The following CAPN14 variants were observed in gnomAD, a reference collection of about 807,000 sequenced individuals.
The protein encoded by CAPN14 is calpain-14.
In CAPN14, 94 loss-of-function variants were observed where a neutral mutation model predicts 101.3. That is an observed-to-expected ratio of 0.93 (90% confidence interval 0.79 to 1.10). The LOEUF (loss-of-function observed/expected upper bound fraction) is 1.10. CAPN14 is among the 50% of genes least tolerant of loss of function. The pLI is 0.00. For synonymous variants in CAPN14, 338 were observed against 317.9 expected (o/e 1.06, Z -0.67); for missense variants, 837 against 828.4 (o/e 1.01, Z -0.13).
Position 31,174,529 on chromosome 2 carries a change from G to T in CAPN14, c.*152C>A, listed in dbSNP as rs1680198949. On this transcript the variant is annotated 3_prime_UTR_variant, in exon 22 of 22. Coordinates refer to ENST00000403897, the MANE Select transcript of CAPN14 (RefSeq NM_001145122.2). ...ATGCTGGCCATGCACGGGGAGGGCT[G>T]CAGAAGAGAAACCTTCCCAGCTGAG... 6.9e-6 allele frequency: 5 copies of T among 726,018 alleles called. No individual in the cohort carries two copies. Among genetic ancestry groups the T allele is most frequent in the Non-Finnish European group, 9.3e-6 (4 of 428,640 alleles). 45.0% of individuals were successfully genotyped at this position (726,018 alleles called of 1,614,324 possible).
At chr2:31,181,530 T>TTAC (rs1680630408) in intron 16 of CAPN14, among the ~76,000 whole-genome samples, 1 of 70,668 alleles carries the variant, frequency 1.4e-5, no homozygotes, top group African/African-American at 1.2e-4. Context: ...TTTTTTTATT[T>TTAC]TATTATTATA....
At chr2:31,227,248 C>A (rs1683050298) in intron 1 of CAPN14, among the ~76,000 whole-genome samples, 3 of 152,178 alleles carry the variant, frequency 2.0e-5, no homozygotes, top group Admixed American at 2.0e-4. Context: ...TAGCTCTGCT[C>A]CTGCTGCACC....
chr2:31,231,969 T>TA (rs908246652), intron 1 of CAPN14, among the ~76,000 whole-genome samples: 3 of 152,210 alleles, frequency 2.0e-5, no homozygotes, highest in Non-Finnish European at 4.4e-5. Context: ...GGTGAAATAT[T>TA]AATCTGAGTG....
intron 16 of CAPN14, among the ~76,000 whole-genome samples, chr2:31,183,193 G>A (rs1417114837): frequency 1.3e-5 from 2 of 151,834 alleles, no homozygotes; most frequent in African/African-American, 4.8e-5. Flanking sequence ...ATTCAAGATG[G>A]ATTAAAGACT....
At position 31,201,912 on chromosome 2, in the gene CAPN14, G is replaced by A. The variant is rs199800377; in HGVS notation, c.501C>T (p.Ser167=). The part of the protein sequence containing the change: ...NEAGQLVFVS[S]TYKNLFWGAL... Reference sequence around the variant, plus strand: ...CTCCCCAGAACAAGTTCTTATAGGTGGAGGAGACAAAGACCAGCTGGCCAG... The same window carrying A: ...CTCCCCAGAACAAGTTCTTATAGGTAGAGGAGACAAAGACCAGCTGGCCAG... The change falls in exon 5 of 22, where the codon TCC becomes TCT. Residue 167 remains serine (S), a synonymous_variant. Coordinates refer to ENST00000403897, the MANE Select transcript of CAPN14 (RefSeq NM_001145122.2). 62 of 1,551,622 alleles carry A rather than the reference G, an allele frequency of 4.0e-5. No individual in the cohort carries two copies. Among genetic ancestry groups the A allele is most frequent in the Non-Finnish European group, 4.0e-5 (46 of 1,147,002 alleles).
At chr2:31,213,204 C>A (rs570940429) in intron 1 of CAPN14, among the ~76,000 whole-genome samples, 1 of 152,318 alleles carries the variant, frequency 6.6e-6, no homozygotes, top group East Asian at 1.9e-4. Flanking sequence ...CGTGTGCTGA[C>A]TCCTTTATCC....
rs572110550 is a variant in CAPN14, at chr2:31,186,205, G to A, written c.1645+223C>T. ...AATCTTCATTTTCACTGCCATGTAT[G>A]TCTATACCCAAAGTAAGCAAAATAA... On this transcript the variant is annotated intron_variant, in intron 16 of 21. Coordinates refer to ENST00000403897, the MANE Select transcript of CAPN14 (RefSeq NM_001145122.2). 3.9e-5 allele frequency among the ~76,000 whole-genome samples: 6 copies of A among 152,264 alleles called. No homozygotes were observed. The South Asian group carries it at 1.2e-3, about 32-fold the overall frequency.
intron 4 of CAPN14, 62 bp downstream of exon 4, chr2:31,202,072 G>C: frequency 6.5e-7 from 1 of 1,549,862 alleles, no homozygotes; most frequent in Non-Finnish European, 8.7e-7. Flanking sequence ...TGAAGACATG[G>C]TCCTCCAGGA....
rs35488335 is a variant in CAPN14 at position 31,223,542 on chromosome 2, C to CTTTT, written c.-53+2982_-53+2985dup. ...TTCTGTTTCTTTTTCTTTTTCTTTT[C>CTTTT]TTTTTTTTTTTTTTTTGAGATGGAG... On this transcript the variant is annotated intron_variant and NMD_transcript_variant, in intron 2 of 21. Coordinates refer to the CAPN14 transcript ENST00000398824. Among the ~76,000 whole-genome samples, 28 of 132,074 alleles carry CTTTT rather than the reference C, an allele frequency of 2.1e-4. 1 individual carries two copies. Among genetic ancestry groups the CTTTT allele is most frequent in the African/African-American group, 7.6e-4 (26 of 34,000 alleles). 86.6% of individuals were successfully genotyped at this position (132,074 alleles called of 152,430 possible).
At chr2:31,207,100 TG>T (rs1277243176) in intron 1 of CAPN14, among the ~76,000 whole-genome samples, 1 of 152,178 alleles carries the variant, frequency 6.6e-6, no homozygotes, top group Non-Finnish European at 1.5e-5. Flanking sequence ...CCCCGCACAG[TG>T]TTTGGGACAG....
intron 2 of CAPN14, among the ~76,000 whole-genome samples, chr2:31,204,190 A>G (rs575735065): frequency 3.8e-4 from 58 of 152,210 alleles, no homozygotes; most frequent in Non-Finnish European, 7.6e-4. Flanking sequence ...GGAGGGCTAC[A>G]TCTTAGACCA....
In CAPN14 at chr2:31,194,500, G is replaced by A; in HGVS notation, c.876-17C>T. 1 of 1,534,728 alleles carries A rather than the reference G, an allele frequency of 6.5e-7. No homozygotes were observed. Among genetic ancestry groups the A allele is most frequent in the Non-Finnish European group, 8.8e-7 (1 of 1,131,738 alleles). ...TTACTTGAACTGAAAATAGAAAAGG[G>A]AATGAAAAGCTTGTGGGGAGCATGC... On this transcript the variant is annotated splice_polypyrimidine_tract_variant and intron_variant, in intron 8 of 21. Transcript: ENST00000403897.
intron 8 of CAPN14, 103 bp downstream of exon 8, chr2:31,197,146 G>T: frequency 2.6e-6 from 2 of 765,672 alleles, no homozygotes; most frequent in Non-Finnish European, 4.4e-6. Flanking sequence ...TCCTGATCCA[G>T]CCTAAGACCA....
chr2:31,200,222 C>A (rs1361067529), intron 6 of CAPN14, among the ~76,000 whole-genome samples: 1 of 152,174 alleles, frequency 6.6e-6, no homozygotes, highest in Non-Finnish European at 1.5e-5. Context: ...CCAGGCTGAT[C>A]TCGAACTCCT....
At chr2:31,221,972 T>C (rs1398184724), upstream of CAPN14, among the ~76,000 whole-genome samples, 1 of 152,198 alleles carries the variant, frequency 6.6e-6, no homozygotes, top group African/African-American at 2.4e-5. Context: ...GTGTCTAGCA[T>C]GGATGCCTCA....
chr2:31,176,977 T>C (rs1680328984), intron 20 of CAPN14, 49 bp downstream of exon 20: 2 of 1,323,780 alleles, frequency 1.5e-6, no homozygotes, highest in Admixed American at 2.0e-5. Flanking sequence ...TGGGAAGTCA[T>C]GGGGCAGCAG....
At chr2:31,181,679 C>G (rs1454659540) in intron 16 of CAPN14, among the ~76,000 whole-genome samples, 1 of 93,268 alleles carries the variant, frequency 1.1e-5, no homozygotes, top group Admixed American at 1.3e-4. Flanking sequence ...CCCCTCCCCC[C>G]ACCCCACAAC....
At chr2:31,200,013 T>C (rs1452589613) in intron 6 of CAPN14, among the ~76,000 whole-genome samples, 2 of 152,166 alleles carry the variant, frequency 1.3e-5, no homozygotes, top group African/African-American at 4.8e-5. Context: ...TTTTTGTTTT[T>C]GCTTTTTAAA....
intron 16 of CAPN14, among the ~76,000 whole-genome samples, chr2:31,185,026 C>G (rs1275181523): frequency 6.6e-6 from 1 of 152,224 alleles, no homozygotes; most frequent in Non-Finnish European, 1.5e-5. Flanking sequence ...TTCCTGACTA[C>G]ATTTCATCTT....
Sources: gnomAD v4.1 joint callset for allele counts (sites outside exome capture counted in the v4.1 genomes callset) on GRCh38, gnomAD v4.1.1 for gene constraint, MANE v1.5 for transcripts, NCBI Gene and HGNC (gene_info 2026-07-23, HGNC 2026-07-21) for gene names.